Variants in CCDC125 observed in about 807,000 individuals in gnomAD.
CCDC125 encodes coiled-coil domain containing 125.
CCDC125 carries 43 observed loss-of-function variants against 57.4 expected under a neutral mutation model. The ratio of observed to expected loss-of-function variants is 0.75; its 90% CI spans 0.59 to 0.97. The LOEUF (loss-of-function observed/expected upper bound fraction) is 0.97, where lower values mean the gene tolerates loss of function less well. Among genes scored for constraint, CCDC125 ranks in the 50% least tolerant of loss-of-function variants. The pLI, the probability that CCDC125 is intolerant of heterozygous loss-of-function variation, is 0.00. For synonymous variants in CCDC125, 187 were observed against 195.2 expected (o/e 0.96, Z 0.35); for missense variants, 563 against 595.7 (o/e 0.95, Z 0.57).
At chr5:69,306,963 T>C in intron 5 of CCDC125, 61 bp from the exon 6 acceptor site, 1 of 1,355,606 alleles carries the variant, frequency 7.4e-7, no homozygotes, top group East Asian at 2.7e-5. Context: ...TTCAGGACAT[T>C]GTGAATAGCT....
intron 7 of CCDC125, among the ~76,000 whole-genome samples, chr5:69,302,570 C>T (rs931524720): frequency 3.3e-5 from 5 of 150,616 alleles, no homozygotes; most frequent in African/African-American, 1.2e-4. Context: ...ACTAAAAATA[C>T]AAAAATTAGC....
intron 10 of CCDC125, among the ~76,000 whole-genome samples, chr5:69,286,187 A>ACTATATATATATATAT (rs1753325930): frequency 1.9e-5 from 1 of 53,962 alleles, no homozygotes; most frequent in Non-Finnish European, 3.6e-5. Flanking sequence ...CAAATGGTAA[A>ACTATATATATATATAT]CTATATATAT....
chr5:69,317,324 A>G (rs973700370), intron 2 of CCDC125, among the ~76,000 whole-genome samples: 6 of 152,114 alleles, frequency 3.9e-5, no homozygotes, highest in Admixed American at 2.6e-4. Flanking sequence ...ATGTTTTTAT[A>G]AAGGCATCTT....
chr5:69,298,306 G>A (rs946985400), intron 8 of CCDC125, among the ~76,000 whole-genome samples: 6 of 152,160 alleles, frequency 3.9e-5, no homozygotes, highest in Non-Finnish European at 5.9e-5. Context: ...GAGCCACCGC[G>A]CCCGGCCCCT....
intron 8 of CCDC125, among the ~76,000 whole-genome samples, chr5:69,295,398 A>T (rs577168081): frequency 1.6e-4 from 25 of 152,288 alleles, no homozygotes; most frequent in Admixed American, 4.6e-4. Flanking sequence ...TAAAAAAAAT[A>T]AAAAAATACG....
At chr5:69,313,653 T>C (rs1580166514) in intron 3 of CCDC125, 1 of 746,360 alleles carries the variant, frequency 1.3e-6, no homozygotes, top group East Asian at 2.5e-5. Flanking sequence ...CGGTAGCATC[T>C]TGACAAAGGT....
intron 2 of CCDC125, among the ~76,000 whole-genome samples, chr5:69,320,029 G>A (rs893664284): frequency 2.6e-5 from 4 of 152,108 alleles, no homozygotes; most frequent in African/African-American, 9.7e-5. Context: ...GCTGAGGCAG[G>A]AGAATCGCTT....
chr5:69,291,686 A>G (rs1754492509), intron 10 of CCDC125, among the ~76,000 whole-genome samples: 2 of 152,222 alleles, frequency 1.3e-5, no homozygotes. Flanking sequence ...TTCGTGAACC[A>G]AAACCTAAAC....
chr5:69,320,280 A>T lies in CCDC125; in HGVS notation c.261T>A (p.Pro87=). The T allele has an allele frequency of 6.2e-7, 1 of 1,614,106 alleles. No individual in the cohort carries two copies. The highest frequency in any genetic ancestry group is 8.5e-7 in the Non-Finnish European group (1 of 1,180,022). Reference sequence around the variant, plus strand: ...TGTAATTGGAAATTCTGGACACTTGAGGGAATGTATCTTGCTGGCTCTTAT... The same window carrying T: ...TGTAATTGGAAATTCTGGACACTTGTGGGAATGTATCTTGCTGGCTCTTAT... The part of the protein sequence containing the change: ...SKHKSQQDTF[P]QVSRISNYRR... Residue 87 remains proline, a synonymous_variant, in exon 2 of 12, where the codon CCT becomes CCA. Coordinates refer to ENST00000396496, the MANE Select transcript of CCDC125 (RefSeq NM_176816.5).
At chr5:69,326,351 A>G (rs911262802) in intron 1 of CCDC125, among the ~76,000 whole-genome samples, 4 of 152,198 alleles carry the variant, frequency 2.6e-5, no homozygotes, top group Non-Finnish European at 5.9e-5. Flanking sequence ...GATTTTTATA[A>G]AATCATCTTG....
At chr5:69,297,134 C>T (rs1257065890) in intron 8 of CCDC125, among the ~76,000 whole-genome samples, 1 of 152,076 alleles carries the variant, frequency 6.6e-6, no homozygotes, top group Non-Finnish European at 1.5e-5. Context: ...GGTACAATCT[C>T]GGCTCCCTGC....
At chr5:69,320,913 T>C (rs1284985864) in intron 1 of CCDC125, among the ~76,000 whole-genome samples, 2 of 152,118 alleles carry the variant, frequency 1.3e-5, no homozygotes, top group Non-Finnish European at 2.9e-5. Flanking sequence ...ATGCTAAGTG[T>C]AATACGCCAG....
At chr5:69,285,137 A>AAAAC (rs1753115665) in intron 11 of CCDC125, among the ~76,000 whole-genome samples, 200 bp downstream of exon 11, 2 of 133,004 alleles carry the variant, frequency 1.5e-5, no homozygotes, top group African/African-American at 2.6e-5. Context: ...CAAAACAAAA[A>AAAAC]AATACACTAA....
chr5:69,325,561 C>A, intron 1 of CCDC125, among the ~76,000 whole-genome samples: 1 of 151,066 alleles, frequency 6.6e-6, no homozygotes, highest in Non-Finnish European at 1.5e-5. Context: ...CACAGTGGCT[C>A]ACGTCTGTAA....
intron 6 of CCDC125, among the ~76,000 whole-genome samples, chr5:69,306,065 T>C (rs142615268): frequency 6.6e-6 from 1 of 152,046 alleles, no homozygotes; most frequent in African/African-American, 2.4e-5. Context: ...AACATAAACA[T>C]TTACCATCTT....
intron 1 of CCDC125, among the ~76,000 whole-genome samples, chr5:69,326,236 T>C (rs1339337978): frequency 6.6e-6 from 1 of 152,176 alleles, no homozygotes; most frequent in African/African-American, 2.4e-5. Context: ...AACATCAGAG[T>C]ATACCAAGTT....
At chr5:69,300,821 AG>A (rs1267015680) in intron 7 of CCDC125, among the ~76,000 whole-genome samples, 1 of 121,942 alleles carries the variant, frequency 8.2e-6, no homozygotes, top group African/African-American at 2.8e-5. Context: ...TGCCGCTCTC[AG>A]CCCCAGGGCC....
At chr5:69,273,229 T>C in the CCDC125 span, among the ~76,000 whole-genome samples, 2,621 of 152,200 alleles carry the variant, frequency 0.017, 78 homozygotes, top group Admixed American at 0.092. Context: ...GATTAAATTA[T>C]ATGCACACAG....
chr5:69,322,874 T>A (rs1430198370), intron 1 of CCDC125, among the ~76,000 whole-genome samples: 1 of 151,880 alleles, frequency 6.6e-6, no homozygotes, highest in Admixed American at 6.6e-5. Context: ...AATTTTTTTT[T>A]AAATTAGCTG....
Sources: gnomAD v4.1 joint callset for allele counts (sites outside exome capture counted in the v4.1 genomes callset) on GRCh38, gnomAD v4.1.1 for gene constraint, MANE v1.5 for transcripts, NCBI Gene and HGNC (gene_info 2026-07-23, HGNC 2026-07-21) for gene names.